TENM4: variants seen among roughly 807,000 people sequenced by gnomAD.
The protein encoded by TENM4 is teneurin transmembrane protein 4, also known as teneurin-4.
TENM4 carries 82 observed loss-of-function variants against 243.3 expected under a neutral mutation model. The ratio of observed to expected loss-of-function variants is 0.34; its 90% confidence interval spans 0.28 to 0.40. The LOEUF (loss-of-function observed/expected upper bound fraction) is 0.40. TENM4 is among the 10% of genes least tolerant of loss of function. The pLI is 1.00. For missense variants in TENM4, 3,138 were observed against 3,673.3 expected, an observed-to-expected ratio of 0.85 and a Z score of 3.77; for synonymous variants, 1,412 against 1,456.3, an observed-to-expected ratio of 0.97 and a Z score of 0.69.
At chr11:79,234,339 G>T (rs1012408311) in intron 2 of TENM4, among the ~76,000 whole-genome samples, 3 of 152,194 alleles carry the variant, frequency 2.0e-5, no homozygotes, top group African/African-American at 7.2e-5. Context: ...GCGAAGGGAA[G>T]GTTTGGCCCT....
intron 4 of TENM4, among the ~76,000 whole-genome samples, chr11:79,094,579 G>T (rs562895644): frequency 6.6e-6 from 1 of 152,172 alleles, no homozygotes; most frequent in Non-Finnish European, 1.5e-5. Flanking sequence ...GTAGGCATTG[G>T]GGGGTGGGGG....
chr11:79,226,420 A>G (rs1010478242), intron 2 of TENM4, among the ~76,000 whole-genome samples: 8 of 152,212 alleles, frequency 5.3e-5, no homozygotes, highest in African/African-American at 1.9e-4. Context: ...TAACCATCTC[A>G]GACTTCAGCT....
rs528784860 is a variant in TENM4, at chr11:79,084,789, T to C, written c.-65-14780A>G. ...CTTATGGTGATGGAAATGTTCGTTG[T>C]CTTGACTGCATATACTCACCTACAC... is the stretch of plus-strand genomic sequence containing the variant. On this transcript the variant is annotated intron_variant, in intron 4 of 33. Coordinates refer to ENST00000278550, the MANE Select transcript of TENM4 (RefSeq NM_001098816.3). Among the ~76,000 whole-genome samples, 7 of 152,270 alleles carry C rather than the reference T, an allele frequency of 4.6e-5. No individual in the cohort carries two copies. The East Asian group carries it at 1.2e-3, about 25-fold the overall frequency.
At chr11:79,389,879 A>G (rs1858194776) in intron 1 of TENM4, among the ~76,000 whole-genome samples, 1 of 152,184 alleles carries the variant, frequency 6.6e-6, no homozygotes, top group Admixed American at 6.5e-5. Context: ...AGTAGACTCA[A>G]TTTCACCCCT....
chr11:79,339,947 C>T (rs1280984748), intron 1 of TENM4, among the ~76,000 whole-genome samples: 3 of 152,058 alleles, frequency 2.0e-5, no homozygotes, highest in African/African-American at 7.2e-5. Context: ...CCACAGGCAG[C>T]CACGTGAGGA....
At chr11:78,943,913 G>A (rs1446079133) in intron 6 of TENM4, among the ~76,000 whole-genome samples, 2 of 152,234 alleles carry the variant, frequency 1.3e-5, no homozygotes, top group Non-Finnish European at 2.9e-5. Flanking sequence ...GAAAACGCCT[G>A]TTGCACAAAG....
At chr11:78,925,655 C>T (rs1406996343) in intron 6 of TENM4, among the ~76,000 whole-genome samples, 1 of 152,108 alleles carries the variant, frequency 6.6e-6, no homozygotes, top group East Asian at 1.9e-4. Flanking sequence ...CTCACATAGC[C>T]ATGGGAGGAA....
rs1268398392 is a variant in TENM4 at position 79,367,358 on chromosome 11, AGTC to A, written c.-320-69818_-320-69816del. Among the ~76,000 whole-genome samples the A allele has an allele frequency of 7.5e-4, 114 of 152,340 alleles. 3 individuals are homozygous for A. The South Asian group carries it at 0.023, about 31-fold the overall frequency. On this transcript the variant is annotated intron_variant, in intron 1 of 33. Transcript: ENST00000278550. ...CCTTTACAAGAAGCTACCACCTGTG[AGTC>A]AGCCAGAAAGATTATTTTTATTTCT...
chr11:79,375,358 A>G (rs762804169), intron 1 of TENM4, among the ~76,000 whole-genome samples: 16 of 152,232 alleles, frequency 1.1e-4, no homozygotes, highest in Admixed American at 4.6e-4. Flanking sequence ...TAGCTTCACA[A>G]TCCATAGCCA....
chr11:79,177,783 T>A (rs966876124), intron 3 of TENM4, among the ~76,000 whole-genome samples: 5 of 152,010 alleles, frequency 3.3e-5, no homozygotes, highest in Admixed American at 6.6e-5. Flanking sequence ...AGGAGGCAGG[T>A]GTGGCTAGAC....
At chr11:78,790,095 GT>G (rs1255994460) in intron 15 of TENM4, among the ~76,000 whole-genome samples, 1 of 152,146 alleles carries the variant, frequency 6.6e-6, no homozygotes, top group Non-Finnish European at 1.5e-5. Flanking sequence ...ACTGTACCTG[GT>G]GCTAGAAATA....
intron 6 of TENM4, among the ~76,000 whole-genome samples, chr11:79,012,677 C>T (rs1459981128): frequency 2.0e-5 from 3 of 152,252 alleles, no homozygotes; most frequent in South Asian, 4.1e-4. Flanking sequence ...GGAGGAGGTA[C>T]AGGATGATGT....
intron 4 of TENM4, among the ~76,000 whole-genome samples, chr11:79,099,180 G>C (rs2137073459): frequency 6.6e-6 from 1 of 152,186 alleles, no homozygotes; most frequent in South Asian, 2.1e-4. Flanking sequence ...GGGGTCTCTG[G>C]TTTGCCTTGG....
chr11:79,265,399 C>G (rs1238220803), intron 2 of TENM4, among the ~76,000 whole-genome samples: 3 of 152,048 alleles, frequency 2.0e-5, no homozygotes, highest in Non-Finnish European at 4.4e-5. Flanking sequence ...CGCGGCTCAT[C>G]CAAAGTGTAA....
chr11:78,703,910 G>C (rs1859166693), intron 27 of TENM4, among the ~76,000 whole-genome samples: 1 of 151,016 alleles, frequency 6.6e-6, no homozygotes, highest in East Asian at 1.9e-4. Context: ...GGAGTGAAGT[G>C]GTACAATCTT....
At chr11:79,022,612 A>G (rs1373116502) in intron 6 of TENM4, among the ~76,000 whole-genome samples, 6 of 152,136 alleles carry the variant, frequency 3.9e-5, no homozygotes, top group Non-Finnish European at 7.3e-5. Flanking sequence ...AAATGCAATT[A>G]TTTCCAAATA....
intron 1 of TENM4, among the ~76,000 whole-genome samples, chr11:79,362,517 C>G (rs1416539077): frequency 6.6e-6 from 1 of 152,164 alleles, no homozygotes; most frequent in Admixed American, 6.5e-5. Context: ...CTTTTCCAGG[C>G]AAGGTGTTCA....
intron 4 of TENM4, among the ~76,000 whole-genome samples, chr11:79,081,253 A>T (rs963243468): frequency 1.3e-5 from 2 of 152,174 alleles, no homozygotes; most frequent in Non-Finnish European, 2.9e-5. Context: ...CTAAGGGAGG[A>T]TTTAGAGACA....
chr11:78,676,522 A>G (rs1858482451), intron 29 of TENM4, 135 bp from the exon 30 acceptor site: 1 of 552,952 alleles, frequency 1.8e-6, no homozygotes, highest in Non-Finnish European at 2.9e-6. Flanking sequence ...CACTGAAGAA[A>G]GCGAGGAAAA....
Sources: allele counts gnomAD v4.1 joint callset (sites outside exome capture counted in the v4.1 genomes callset), GRCh38; gene constraint gnomAD v4.1.1; transcripts MANE v1.5; gene names NCBI Gene and HGNC (gene_info 2026-07-23, HGNC 2026-07-21).